The following ACER1 variants were observed in gnomAD, a reference collection of about 807,000 sequenced individuals.
ACER1 encodes CTB-180A7.3.
A neutral mutation model predicts 24.9 loss-of-function variants in ACER1; 28 were observed. The observed-to-expected ratio is 1.13, with a 90% confidence interval of 0.83 to 1.54. The LOEUF (loss-of-function observed/expected upper bound fraction) is 1.54, where lower values mean the gene tolerates loss of function less well. Ranked by LOEUF, ACER1 falls within the 40% of genes most tolerant of loss-of-function variation. The pLI is 0.00. For synonymous variants in ACER1, 132 were observed against 131.4 expected (o/e 1.00, Z -0.03); for missense variants, 352 against 349.3 (o/e 1.01, Z -0.06).
At chr19:6,342,183 A>G in the ACER1 span, among the ~76,000 whole-genome samples, 8,562 of 151,926 alleles carry the variant, frequency 0.056, 400 homozygotes, top group African/African-American at 0.13. Flanking sequence ...TATAAAGTAG[A>G]TAATAGTATT....
chr19:6,330,897 C>T lies in ACER1; in HGVS notation c.93+2562G>A, dbSNP rs1041447469. Among the ~76,000 whole-genome samples, 8 of 149,646 alleles carry T rather than the reference C, an allele frequency of 5.3e-5. 1 individual carries two copies. The South Asian group carries it at 6.3e-4, about 12-fold the overall frequency. On this transcript the variant is annotated intron_variant, in intron 1 of 5. Coordinates refer to ENST00000301452, the MANE Select transcript of ACER1 (RefSeq NM_133492.3). ...TGGGAAGCCCCGGGGTGAAAGGCAACAGGGTCAGAGCAACCTGAGCCTCGG... is the reference window on the plus strand; with the variant it reads ...TGGGAAGCCCCGGGGTGAAAGGCAATAGGGTCAGAGCAACCTGAGCCTCGG...
At chr19:6,341,622 G>GTTTTGTTTCGTTTTGT in the ACER1 span, among the ~76,000 whole-genome samples, 1 of 150,578 alleles carries the variant, frequency 6.6e-6, no homozygotes, top group South Asian at 2.1e-4. Flanking sequence ...GTTTTGTTTT[G>GTTTTGTTTCGTTTTGT]TTTTGTTTTT....
chr19:6,358,528 G>A, the ACER1 span, among the ~76,000 whole-genome samples: 1 of 151,742 alleles, frequency 6.6e-6, no homozygotes, highest in African/African-American at 2.4e-5. Context: ...TTGGGAGGCC[G>A]AGGCAGGAGA....
At chr19:6,337,461 CTT>C (rs35503813), upstream of ACER1, among the ~76,000 whole-genome samples, 1 of 138,832 alleles carries the variant, frequency 7.2e-6, no homozygotes. Flanking sequence ...CTTTTTTTTT[CTT>C]TTTTTTTTTG....
At chr19:6,358,056 G>C in the ACER1 span, among the ~76,000 whole-genome samples, 1 of 152,142 alleles carries the variant, frequency 6.6e-6, no homozygotes, top group African/African-American at 2.4e-5. Context: ...TGGCTGCAGG[G>C]ATGGTGGCAG....
At chr19:6,325,012 A>C (rs1290254070) in intron 1 of ACER1, among the ~76,000 whole-genome samples, 1 of 152,066 alleles carries the variant, frequency 6.6e-6, no homozygotes, top group Non-Finnish European at 1.5e-5. Flanking sequence ...GACGGAGCCC[A>C]CACCTGGACC....
At chr19:6,354,712 G>C in the ACER1 span, among the ~76,000 whole-genome samples, 8 of 152,122 alleles carry the variant, frequency 5.3e-5, no homozygotes, top group African/African-American at 1.7e-4. Context: ...TCAAGCTCAG[G>C]AATTTGAGAC....
At chr19:6,355,942 T>C in the ACER1 span, among the ~76,000 whole-genome samples, 1 of 151,788 alleles carries the variant, frequency 6.6e-6, no homozygotes. Flanking sequence ...GGAGCCCCTC[T>C]GCCCAGCCAC....
At chr19:6,326,272 C>T (rs1327012607) in intron 1 of ACER1, among the ~76,000 whole-genome samples, 2 of 151,968 alleles carry the variant, frequency 1.3e-5, no homozygotes, top group African/African-American at 4.8e-5. Flanking sequence ...GGACCACAGG[C>T]GCCCACCACA....
the ACER1 span, among the ~76,000 whole-genome samples, chr19:6,347,503 A>G: frequency 0.028 from 3,939 of 139,260 alleles, 63 homozygotes; most frequent in Non-Finnish European, 0.04. Context: ...TATAGGTACG[A>G]GCCACTGTGT....
At chr19:6,351,315 G>A in the ACER1 span, among the ~76,000 whole-genome samples, 13 of 152,102 alleles carry the variant, frequency 8.5e-5, no homozygotes, top group African/African-American at 4.8e-5. Flanking sequence ...GCAGTGAGCC[G>A]AGATTGCGCC....
the ACER1 span, among the ~76,000 whole-genome samples, chr19:6,345,565 CTTT>C: frequency 0.023 from 2,937 of 130,350 alleles, 34 homozygotes; most frequent in Non-Finnish European, 0.034. Context: ...GTATTAGATT[CTTT>C]TTTTTTTTTT....
chr19:6,333,253 T>A (rs1347937247), intron 1 of ACER1, among the ~76,000 whole-genome samples: 1 of 152,080 alleles, frequency 6.6e-6, no homozygotes, highest in East Asian at 1.9e-4. Context: ...TGGCCACCAA[T>A]GTGTCTCCAA....
At chr19:6,344,970 A>G in the ACER1 span, among the ~76,000 whole-genome samples, 7 of 151,780 alleles carry the variant, frequency 4.6e-5, no homozygotes, top group Non-Finnish European at 8.8e-5. Flanking sequence ...GGTTCACACC[A>G]TTCTCCTGCC....
At chr19:6,346,288 G>A in the ACER1 span, among the ~76,000 whole-genome samples, 3 of 151,938 alleles carry the variant, frequency 2.0e-5, no homozygotes, top group South Asian at 2.1e-4. Flanking sequence ...CTCTTCAACT[G>A]AGCCTGTCTC....
chr19:6,315,581 G>A lies in ACER1; in HGVS notation c.94-3082C>T, dbSNP rs190039269. ...TTTTTAGTAGAGGCGGAGTTTCACC[G>A]TGTTAGTCAGGATGGTCTCGATCTC... On this transcript the variant is annotated intron_variant, in intron 1 of 5. Coordinates refer to ENST00000301452, the MANE Select transcript of ACER1 (RefSeq NM_133492.3). 1.4e-3 allele frequency among the ~76,000 whole-genome samples: 218 copies of A among 151,960 alleles called. 1 individual carries two copies. Among genetic ancestry groups the A allele is most frequent in the African/African-American group, 4.9e-3 (204 of 41,488 alleles).
chr19:6,341,657 G>C, the ACER1 span, among the ~76,000 whole-genome samples: 1 of 147,590 alleles, frequency 6.8e-6, no homozygotes, highest in Admixed American at 6.7e-5. Flanking sequence ...ATGGAGTCTT[G>C]CTCTGTCACC....
At chr19:6,328,354 G>A (rs575294048) in intron 1 of ACER1, among the ~76,000 whole-genome samples, 1 of 151,824 alleles carries the variant, frequency 6.6e-6, no homozygotes, top group East Asian at 2.0e-4. Context: ...AGCCGGGAGT[G>A]GTGGCAGGTG....
At chr19:6,334,835 G>A (rs565664985), upstream of ACER1, among the ~76,000 whole-genome samples, 8 of 151,444 alleles carry the variant, frequency 5.3e-5, no homozygotes, top group Non-Finnish European at 1.0e-4. Flanking sequence ...GGATGGTAAT[G>A]GGTTTTCTTT....
Sources: allele counts gnomAD v4.1 joint callset (sites outside exome capture counted in the v4.1 genomes callset), GRCh38; gene constraint gnomAD v4.1.1; transcripts MANE v1.5; gene names NCBI Gene and HGNC (gene_info 2026-07-23, HGNC 2026-07-21).